Variants in UGT1A10 observed in about 807,000 individuals in gnomAD.
UGT1A10 encodes UDP glucuronosyltransferase family 1 member A10, also known as UDP-glucuronosyltransferase 1A10.
Under a neutral mutation model 45.8 loss-of-function variants are expected in UGT1A10, and 49 were observed. The observed-to-expected ratio is 1.07, with a 90% CI of 0.85 to 1.36. UGT1A10 has a LOEUF of 1.36. UGT1A10 is among the 40% of genes most tolerant of loss of function. The pLI is 0.00. For missense variants in UGT1A10, 745 were observed against 668.6 expected (o/e 1.11, Z -1.26); for synonymous variants, 284 against 249.7 (o/e 1.14, Z -1.29).
At chr2:233,739,373 G>T (rs1209050153) in intron 1 of UGT1A10, among the ~76,000 whole-genome samples, 1 of 152,200 alleles carries the variant, frequency 6.6e-6, no homozygotes, top group Non-Finnish European at 1.5e-5. Flanking sequence ...CTTGCACTGT[G>T]TGCCTGGAAG....
chr2:233,767,956 T>G lies in UGT1A10; in HGVS notation c.1075+20T>G, dbSNP rs745426586. The G allele has an allele frequency of 3.1e-6, 5 of 1,614,074 alleles. No individual in the cohort carries two copies. The East Asian group carries it at 8.9e-5, about 29-fold the overall frequency. On this transcript the variant is annotated intron_variant, in intron 3 of 4. Transcript: ENST00000344644. ...TGCTTGGTATGTTGGGCGGATTGGATGTATAGGTCAAACCAGGGTCAAATT... is the reference window on the plus strand; with the variant it reads ...TGCTTGGTATGTTGGGCGGATTGGAGGTATAGGTCAAACCAGGGTCAAATT...
intron 1 of UGT1A10, among the ~76,000 whole-genome samples, chr2:233,643,296 T>C (rs2073506773): frequency 6.6e-6 from 1 of 152,156 alleles, no homozygotes; most frequent in Admixed American, 6.5e-5. Flanking sequence ...TTCCCTCTTA[T>C]TTGCAAAGAC....
chr2:233,677,231 C>T (rs1158558873), intron 1 of UGT1A10, among the ~76,000 whole-genome samples: 1 of 152,136 alleles, frequency 6.6e-6, no homozygotes, highest in Non-Finnish European at 1.5e-5. Context: ...AATGTACAGT[C>T]TTTCACATCC....
At chr2:233,735,872 G>C (rs1314533195) in intron 1 of UGT1A10, among the ~76,000 whole-genome samples, 1 of 152,196 alleles carries the variant, frequency 6.6e-6, no homozygotes, top group Non-Finnish European at 1.5e-5. Context: ...TTTCTGCAGA[G>C]AGATCTGCTG....
At chr2:233,718,710 T>C in intron 1 of UGT1A10, 1 of 1,606,198 alleles carries the variant, frequency 6.2e-7, no homozygotes, top group Admixed American at 1.7e-5. Flanking sequence ...TGTCTTCCAA[T>C]TACATGCTGA....
Position 233,704,417 on chromosome 2 carries a change from AC to A in UGT1A10, c.856-62616del, listed in dbSNP as rs57721875. Among the ~76,000 whole-genome samples, 1,452 of 152,082 alleles carry A rather than the reference AC, an allele frequency of 9.5e-3. 33 individuals are homozygous for A. Among genetic ancestry groups the A allele is most frequent in the African/African-American group, 0.033 (1,359 of 41,510 alleles). ...CAGTATCTACTTCAGATTTATACCA[AC>A]TTAATTCCAGTTAAATATTGAAATG... is the stretch of plus-strand genomic sequence containing the variant. On this transcript the variant is annotated intron_variant, in intron 1 of 4. Transcript: ENST00000344644.
At chr2:233,700,844 G>A (rs1050489871) in intron 1 of UGT1A10, among the ~76,000 whole-genome samples, 3 of 151,850 alleles carry the variant, frequency 2.0e-5, no homozygotes, top group African/African-American at 4.8e-5. Flanking sequence ...TTAGCATTAG[G>A]TATATCTCCT....
intron 1 of UGT1A10, among the ~76,000 whole-genome samples, chr2:233,653,983 C>T (rs1386483499): frequency 6.6e-6 from 1 of 152,204 alleles, no homozygotes; most frequent in Non-Finnish European, 1.5e-5. Context: ...ACGTACATGC[C>T]TAATGCTTAC....
At chr2:233,713,439 C>T (rs28946886) in intron 1 of UGT1A10, 1 of 1,614,136 alleles carries the variant, frequency 6.2e-7, no homozygotes, top group Non-Finnish European at 8.5e-7. Context: ...TGATGTGGTT[C>T]TAACAGACCC....
At chr2:233,673,902 C>T (rs2125504789) in intron 1 of UGT1A10, among the ~76,000 whole-genome samples, 1 of 152,212 alleles carries the variant, frequency 6.6e-6, no homozygotes, top group South Asian at 2.1e-4. Context: ...ACTTATTTTG[C>T]TTTGCTGGAG....
At chr2:233,766,970 TACTG>T in intron 1 of UGT1A10, 60 bp from the exon 2 acceptor site, 8 of 1,610,026 alleles carry the variant, frequency 5.0e-6, no homozygotes, top group Non-Finnish European at 6.8e-6. Flanking sequence ...ATTCATAACT[TACTG>T]TATGTAGTCA....
chr2:233,683,321 G>A (rs1258493132), intron 1 of UGT1A10, among the ~76,000 whole-genome samples: 1 of 152,054 alleles, frequency 6.6e-6, no homozygotes, highest in Non-Finnish European at 1.5e-5. Flanking sequence ...GATTTGACAT[G>A]TTCTTTTAAT....
rs1297199305 is a variant in UGT1A10, at chr2:233,749,242, C to T, written c.856-17792C>T. 1.3e-5 allele frequency among the ~76,000 whole-genome samples: 2 copies of T among 151,678 alleles called. 1 individual carries two copies. Among genetic ancestry groups the T allele is most frequent in the Admixed American group, 1.3e-4 (2 of 15,250 alleles). ...TAAGCTTCATTTTTTAAAATCAAACCACATGATTTTTTTATTGGTGATTTT... is the reference window on the plus strand; with the variant it reads ...TAAGCTTCATTTTTTAAAATCAAACTACATGATTTTTTTATTGGTGATTTT... On this transcript the variant is annotated intron_variant, in intron 1 of 4. Transcript: ENST00000344644.
chr2:233,729,233 T>G, intron 1 of UGT1A10: 1 of 1,614,178 alleles, frequency 6.2e-7, no homozygotes, highest in South Asian at 1.1e-5. Flanking sequence ...GTGGTGCCCA[T>G]TGATGGCAGC....
In UGT1A10 at chr2:233,718,773, C is replaced by G. The variant is rs374057137; in HGVS notation, c.856-48261C>G. Reference sequence around the variant, plus strand: ...ATTAAGGCGAAGGAAACAAATGTAGCAGGCACAGCGTGGGGTGGACAGTCA... The same window carrying G: ...ATTAAGGCGAAGGAAACAAATGTAGGAGGCACAGCGTGGGGTGGACAGTCA... On this transcript the variant is annotated intron_variant, in intron 1 of 4. Coordinates refer to ENST00000344644, the MANE Select transcript of UGT1A10 (RefSeq NM_019075.4). 9.1e-5 allele frequency: 147 copies of G among 1,612,730 alleles called. 1 individual carries two copies. Among genetic ancestry groups the G allele is most frequent in the Middle Eastern group, 6.0e-4 (3 of 4,988 alleles).
chr2:233,664,480 G>A (rs1375253779), intron 1 of UGT1A10, among the ~76,000 whole-genome samples: 1 of 152,110 alleles, frequency 6.6e-6, no homozygotes, highest in Non-Finnish European at 1.5e-5. Context: ...AGGTTTAATT[G>A]GCTCAAGATT....
intron 1 of UGT1A10, chr2:233,713,074 G>A (rs2076276238): frequency 3.1e-6 from 5 of 1,614,210 alleles, no homozygotes; most frequent in South Asian, 1.1e-5. Flanking sequence ...TGGGCTGAGA[G>A]TGGGAAGGTG....
Position 233,772,832 on chromosome 2 carries a change from C to CACACAAGAAAGCCAGCAAGG in UGT1A10, c.*273_*274insACACAAGAAAGCCAGCAAGG. On this transcript the variant is annotated 3_prime_UTR_variant, in exon 5 of 5. Coordinates refer to ENST00000344644, the MANE Select transcript of UGT1A10 (RefSeq NM_019075.4). ...GAGGACGTGCAGACAGGCTGGCATT[C>CACACAAGAAAGCCAGCAAGG]TAGATTACTTTTCTTACTCTGAAAC... is the stretch of plus-strand genomic sequence containing the variant. 1 of 899,520 alleles carries CACACAAGAAAGCCAGCAAGG rather than the reference C, an allele frequency of 1.1e-6. No individual in the cohort carries two copies. The highest frequency in any genetic ancestry group is 1.5e-6 in the Non-Finnish European group (1 of 646,890). The allele number at this position is 899,520 out of a possible 1,614,324, so 55.7% of individuals were successfully genotyped here. A position where few individuals can be genotyped will look rare whatever the true frequency, so the allele number is the denominator to read the frequency against.
chr2:233,691,532 T>A, intron 1 of UGT1A10: 1 of 985,700 alleles, frequency 1.0e-6, no homozygotes, highest in Non-Finnish European at 1.2e-6. Flanking sequence ...TGACTAGCTC[T>A]GGGCAAGTCT....
Sources: allele counts gnomAD v4.1 joint callset (sites outside exome capture counted in the v4.1 genomes callset), GRCh38; gene constraint gnomAD v4.1.1; transcripts MANE v1.5; gene names NCBI Gene and HGNC (gene_info 2026-07-23, HGNC 2026-07-21).